Variants in SYT2 observed in about 807,000 individuals in gnomAD.
The protein encoded by SYT2 is synaptotagmin-2.
A neutral mutation model predicts 39.9 loss-of-function variants in SYT2; 15 were observed. The ratio of observed to expected loss-of-function variants is 0.38; its 90% CI spans 0.25 to 0.58. SYT2 has a LOEUF of 0.58. SYT2 is among the 20% of genes least tolerant of loss of function. The pLI is 0.70. For synonymous variants in SYT2, 181 were observed against 204.5 expected, an observed-to-expected ratio of 0.89 and a Z score of 0.98; for missense variants, 389 against 530.3, an observed-to-expected ratio of 0.73 and a Z score of 2.62.
At chr1:202,633,711 TGA>T (rs1432882260) in intron 1 of SYT2, among the ~76,000 whole-genome samples, 1 of 152,124 alleles carries the variant, frequency 6.6e-6, no homozygotes, top group Non-Finnish European at 1.5e-5. Context: ...GAGAGGCCAG[TGA>T]GAGAGCCAGA....
Position 202,616,385 on chromosome 1 carries a change from A to C in SYT2, c.-17-10596T>G, listed in dbSNP as rs1422904677. 3.9e-5 allele frequency among the ~76,000 whole-genome samples: 6 copies of C among 151,994 alleles called. No individual in the cohort carries two copies. The East Asian group carries it at 7.7e-4, about 20-fold the overall frequency. The stretch of plus-strand genomic sequence containing the variant: ...GTGCCTAACATTTCCCCCTTCCCTC[A>C]GCTGAGGCTGGACCAGTCCAGTTTA... On this transcript the variant is annotated intron_variant, in intron 1 of 8. Coordinates refer to ENST00000367268, the MANE Select transcript of SYT2 (RefSeq NM_177402.5).
rs1691852629 is a variant in SYT2, at chr1:202,639,950, A to G, written c.-17-34161T>C. The G allele has an allele frequency of 8.4e-6, 4 of 476,496 alleles. No homozygotes were observed. In the South Asian group the frequency reaches 3.5e-4, roughly 42 times the overall value. The allele number at this position is 476,496 out of a possible 1,614,324, so 29.5% of individuals were successfully genotyped here. On this transcript the variant is annotated intron_variant, in intron 1 of 8. Coordinates refer to ENST00000367268, the MANE Select transcript of SYT2 (RefSeq NM_177402.5). ...AACCTCAAAAACCCATCCCTTGTGC[A>G]TTAGTCAATAACACACTACAGACTT...
In SYT2 at chr1:202,645,209, T is replaced by TC. The variant is rs148869658; in HGVS notation, c.-17-39421dup. Among the ~76,000 whole-genome samples, 1,520 of 152,036 alleles carry TC rather than the reference T, an allele frequency of 1.0e-2. 27 individuals carry two copies. The highest frequency in any genetic ancestry group is 0.064 in the East Asian group (332 of 5,158). ...GCTCAGCAGGAGGGCACCAGGGGTT[T>TC]CCCCCCACTCTGCTACACTCCCGTA... On this transcript the variant is annotated intron_variant, in intron 1 of 8. Transcript: ENST00000367268.
At chr1:202,609,517 G>C (rs931068099) in intron 1 of SYT2, among the ~76,000 whole-genome samples, 1 of 152,200 alleles carries the variant, frequency 6.6e-6, no homozygotes, top group African/African-American at 2.4e-5. Flanking sequence ...CAGTGTAAAA[G>C]TGTTCCTATT....
intron 1 of SYT2, among the ~76,000 whole-genome samples, chr1:202,630,812 C>T (rs1175489906): frequency 6.6e-6 from 1 of 152,224 alleles, no homozygotes; most frequent in South Asian, 2.1e-4. Context: ...CCCCAGGAAA[C>T]ATTTGAGAAT....
At chr1:202,690,999 T>C (rs16850241) in intron 1 of SYT2, among the ~76,000 whole-genome samples, 46,714 of 151,938 alleles carry the variant, frequency 0.31, 7,372 homozygotes, top group South Asian at 0.43. Flanking sequence ...CCAGTTCTCG[T>C]CCTACTCACA....
chr1:202,650,677 A>G (rs1177075996), intron 1 of SYT2, among the ~76,000 whole-genome samples: 1 of 152,112 alleles, frequency 6.6e-6, no homozygotes, highest in Non-Finnish European at 1.5e-5. Context: ...CTGGGACACA[A>G]TCCCTGCCCA....
intron 5 of SYT2, 67 bp downstream of exon 5, chr1:202,602,311 T>G: frequency 6.6e-7 from 1 of 1,513,176 alleles, no homozygotes; most frequent in East Asian, 2.3e-5. Context: ...CAAGGAAAGG[T>G]CTGTAGAACT....
At chr1:202,621,572 C>T (rs550253332) in intron 1 of SYT2, among the ~76,000 whole-genome samples, 12 of 152,352 alleles carry the variant, frequency 7.9e-5, no homozygotes, top group Non-Finnish European at 1.8e-4. Context: ...GCCTTGACCT[C>T]CCAAAGTGCT....
rs142359053 is a variant in SYT2 at position 202,640,659 on chromosome 1, G to A, written c.-17-34870C>T. On this transcript the variant is annotated intron_variant, in intron 1 of 8. Transcript: ENST00000367268. ...GGGGAAGGGAGAACCAAGGAAAACT[G>A]GTGTGAGATTATTGGAAAGTCAGGC... 3.9e-3 allele frequency among the ~76,000 whole-genome samples: 598 copies of A among 151,688 alleles called. 1 individual carries two copies. Among genetic ancestry groups the A allele is most frequent in the African/African-American group, 0.014 (582 of 41,416 alleles).
At chr1:202,632,843 G>C (rs960915165) in intron 1 of SYT2, 1 of 152,280 alleles carries the variant, frequency 6.6e-6, no homozygotes, top group African/African-American at 2.4e-5. Context: ...GGTGGCCTTG[G>C]AGAAGTTATT....
chr1:202,679,416 G>C (rs764597812), intron 1 of SYT2, among the ~76,000 whole-genome samples: 1 of 152,100 alleles, frequency 6.6e-6, no homozygotes, highest in Non-Finnish European at 1.5e-5. Flanking sequence ...GCCCAGTCTT[G>C]CTCCTATATT....
At chr1:202,691,464 C>A (rs1167292781) in intron 1 of SYT2, among the ~76,000 whole-genome samples, 2 of 151,786 alleles carry the variant, frequency 1.3e-5, no homozygotes, top group African/African-American at 4.8e-5. Flanking sequence ...ACCTGGGCAA[C>A]ACAGTGAGAG....
At chr1:202,607,500 C>T (rs1339769435) in intron 1 of SYT2, among the ~76,000 whole-genome samples, 1 of 152,180 alleles carries the variant, frequency 6.6e-6, no homozygotes, top group African/African-American at 2.4e-5. Flanking sequence ...CCTCTAGACT[C>T]AGGGTTCTTC....
chr1:202,635,567 G>C (rs949760303), intron 1 of SYT2, among the ~76,000 whole-genome samples: 3 of 152,086 alleles, frequency 2.0e-5, no homozygotes, highest in African/African-American at 7.2e-5. Flanking sequence ...CTCATCTCTG[G>C]GGCTCTTGGT....
intron 1 of SYT2, among the ~76,000 whole-genome samples, chr1:202,688,177 G>T (rs1224990318): frequency 6.6e-6 from 1 of 152,200 alleles, no homozygotes; most frequent in Non-Finnish European, 1.5e-5. Flanking sequence ...ACTCTACTCT[G>T]CAATGTGAAC....
rs1692528456 is a variant in SYT2, at chr1:202,668,841, A to G, written c.-18+41417T>C. ...AGACAGGGTGGCGAGGCACTGACCG[A>G]TGGCCCCTGGGCAACTGGATGACCT... On this transcript the variant is annotated intron_variant, in intron 1 of 8. Transcript: ENST00000367268. 2.0e-5 allele frequency among the ~76,000 whole-genome samples: 3 copies of G among 152,228 alleles called. No individual in the cohort carries two copies. In the South Asian group the frequency reaches 6.2e-4, roughly 32 times the overall value.
intron 1 of SYT2, among the ~76,000 whole-genome samples, chr1:202,706,116 A>G (rs924566689): frequency 1.3e-5 from 2 of 151,954 alleles, no homozygotes; most frequent in African/African-American, 4.8e-5. Flanking sequence ...CCTGGATCCA[A>G]ATTTACCCAT....
intron 1 of SYT2, among the ~76,000 whole-genome samples, chr1:202,640,596 G>C (rs1691878123): frequency 6.6e-6 from 1 of 152,122 alleles, no homozygotes; most frequent in African/African-American, 2.4e-5. Context: ...GGAGTAAAAG[G>C]CCCATTTTTT....
Sources: allele counts gnomAD v4.1 joint callset (sites outside exome capture counted in the v4.1 genomes callset), GRCh38; gene constraint gnomAD v4.1.1; transcripts MANE v1.5; gene names NCBI Gene and HGNC (gene_info 2026-07-23, HGNC 2026-07-21).